The following PRKCE variants were observed in gnomAD, a reference collection of about 807,000 sequenced individuals.
PRKCE encodes the protein protein kinase C epsilon.
In PRKCE, 16 loss-of-function variants were observed where a neutral mutation model predicts 85.4. The ratio of observed to expected loss-of-function variants is 0.19; its 90% CI spans 0.13 to 0.28. The LOEUF (loss-of-function observed/expected upper bound fraction) is 0.28, where lower values mean the gene tolerates loss of function less well. PRKCE is among the 10% of genes least tolerant of loss of function. PRKCE has a pLI of 1.00. For missense variants in PRKCE, 573 were observed against 975.2 expected (o/e 0.59, Z 5.49); for synonymous variants, 388 against 371.5 (o/e 1.04, Z -0.51).
chr2:46,063,675 A>AC (rs2103645219), intron 10 of PRKCE, among the ~76,000 whole-genome samples: 1 of 152,286 alleles, frequency 6.6e-6, no homozygotes, highest in South Asian at 2.1e-4. Flanking sequence ...GAATTCCGCA[A>AC]CTGTGACCAT....
In PRKCE at chr2:46,145,640, G is replaced by A. The variant is rs1403028869; in HGVS notation, c.1731+409G>A. Among the ~76,000 whole-genome samples the A allele has an allele frequency of 6.6e-6, 1 of 152,172 alleles. No homozygotes were observed. Among genetic ancestry groups the A allele is most frequent in the Non-Finnish European group, 1.5e-5 (1 of 68,028 alleles). ...CCCAGCACTTTGGGAGGCCAAGGCA[G>A]GTAGATCGCTTGAGCCCAGGAGTTC... On this transcript the variant is annotated intron_variant, in intron 12 of 14. Coordinates refer to ENST00000306156, the MANE Select transcript of PRKCE (RefSeq NM_005400.3). This position sits in a 1 kb window ranked among gnomAD's most constrained non-coding sequence, Gnocchi z 4.6.
chr2:45,906,195 T>C (rs1379900150), intron 2 of PRKCE, among the ~76,000 whole-genome samples: 1 of 152,238 alleles, frequency 6.6e-6, no homozygotes, highest in African/African-American at 2.4e-5. Flanking sequence ...CTCAACCACC[T>C]GGCCTACTGG....
In PRKCE at chr2:46,023,084, C is replaced by T. The variant is rs1309084170; in HGVS notation, c.1437+12567C>T. Among the ~76,000 whole-genome samples the T allele has an allele frequency of 4.6e-4, 10 of 21,868 alleles. No homozygotes were observed. The African/African-American group carries it at 4.6e-3, about 10-fold the overall frequency. The allele number at this position is 21,868 out of a possible 152,430, so 14.3% of individuals were successfully genotyped here. On this transcript the variant is annotated intron_variant, in intron 10 of 14. Coordinates refer to ENST00000306156, the MANE Select transcript of PRKCE (RefSeq NM_005400.3). ...CGTCCTGGGCGACAGAGCGAGACTC[C>T]GTCTCAAAAAAAAAAAAAAAAAAAA...
At chr2:45,933,564 C>T (rs547709369) in intron 2 of PRKCE, among the ~76,000 whole-genome samples, 76 of 150,974 alleles carry the variant, frequency 5.0e-4, no homozygotes, top group African/African-American at 1.7e-3. Flanking sequence ...AGCTCCACCT[C>T]CCGGGTTCAC....
intron 1 of PRKCE, among the ~76,000 whole-genome samples, chr2:45,776,132 A>G (rs1685731686): frequency 1.3e-5 from 2 of 152,240 alleles, no homozygotes; most frequent in African/African-American, 2.4e-5. Context: ...GAAAGATCAT[A>G]TAATTTACTT....
At position 45,910,397 on chromosome 2, in the gene PRKCE, TGG is replaced by T. The variant is rs1697299681; in HGVS notation, c.413-66029_413-66028del. Among the ~76,000 whole-genome samples, 12 of 152,280 alleles carry T rather than the reference TGG, an allele frequency of 7.9e-5. No individual in the cohort carries two copies. In the South Asian group the frequency reaches 2.5e-3, roughly 32 times the overall value. ...CACCCTGAAAACACTTGCCATCCAG[TGG>T]GGAGACATCCGTGTCCACAATCATG... On this transcript the variant is annotated intron_variant, in intron 2 of 14. Coordinates refer to ENST00000306156, the MANE Select transcript of PRKCE (RefSeq NM_005400.3).
At chr2:46,105,200 T>C (rs182526685) in intron 11 of PRKCE, among the ~76,000 whole-genome samples, 273 of 152,274 alleles carry the variant, frequency 1.8e-3, no homozygotes, top group African/African-American at 6.0e-3. Flanking sequence ...TTTCTGAAAT[T>C]ATCAAACCAT....
At chr2:46,015,715 G>GAAAAAAAAAAAA (rs1706080548) in intron 10 of PRKCE, among the ~76,000 whole-genome samples, 2 of 139,508 alleles carry the variant, frequency 1.4e-5, no homozygotes, top group East Asian at 2.1e-4. Flanking sequence ...AAAAAAAAAC[G>GAAAAAAAAAAAA]AAGTAAAAAT....
rs552512577 is a variant in PRKCE, at chr2:46,048,604, G to A, written c.1438-37604G>A. Among the ~76,000 whole-genome samples the A allele has an allele frequency of 5.9e-5, 9 of 152,266 alleles. No individual in the cohort carries two copies. The South Asian group carries it at 1.9e-3, about 32-fold the overall frequency. ...GTCCAGTGGTCCTTGATTCCCCTTTGTCCACGCACTTGGCCTTTCTCCAGG... is the reference window on the plus strand; with the variant it reads ...GTCCAGTGGTCCTTGATTCCCCTTTATCCACGCACTTGGCCTTTCTCCAGG... On this transcript the variant is annotated intron_variant, in intron 10 of 14. Coordinates refer to ENST00000306156, the MANE Select transcript of PRKCE (RefSeq NM_005400.3).
At chr2:46,168,318 C>T (rs987992937) in intron 14 of PRKCE, among the ~76,000 whole-genome samples, 1 of 152,218 alleles carries the variant, frequency 6.6e-6, no homozygotes, top group African/African-American at 2.4e-5. Context: ...AACACACATA[C>T]AACTCACCTG....
chr2:45,865,815 C>CTTCTTCTTCTTCT (rs779577778), intron 2 of PRKCE, among the ~76,000 whole-genome samples: 9 of 133,678 alleles, frequency 6.7e-5, no homozygotes, highest in East Asian at 6.5e-4. Flanking sequence ...TCTTCTTCTT[C>CTTCTTCTTCTTCT]TTTTTTTTTT....
chr2:46,020,736 A>C (rs1034446670), intron 10 of PRKCE, among the ~76,000 whole-genome samples: 7 of 152,228 alleles, frequency 4.6e-5, no homozygotes, highest in African/African-American at 1.7e-4. Flanking sequence ...TTGCGTCAGA[A>C]TCTTTTGAGG....
intron 2 of PRKCE, among the ~76,000 whole-genome samples, chr2:45,945,817 C>T (rs1700207575): frequency 6.6e-6 from 1 of 152,214 alleles, no homozygotes; most frequent in Non-Finnish European, 1.5e-5. Flanking sequence ...AACCCCTTGA[C>T]AGAAAAGAAT....
Position 46,017,624 on chromosome 2 carries a change from T to C in PRKCE, c.1437+7107T>C, listed in dbSNP as rs117488868. Among the ~76,000 whole-genome samples the C allele has an allele frequency of 8.5e-5, 13 of 152,346 alleles. No homozygotes were observed. The East Asian group carries it at 2.5e-3, about 29-fold the overall frequency. On this transcript the variant is annotated intron_variant, in intron 10 of 14. Coordinates refer to ENST00000306156, the MANE Select transcript of PRKCE (RefSeq NM_005400.3). ...TCTTTTTAATTTTTTGAGGAACCGC[T>C]ATACTGTTTTCCATAATGACTGAAC... is the stretch of plus-strand genomic sequence containing the variant.
At chr2:46,063,458 A>C (rs1488915879) in intron 10 of PRKCE, among the ~76,000 whole-genome samples, 1 of 152,166 alleles carries the variant, frequency 6.6e-6, no homozygotes, top group African/African-American at 2.4e-5. Flanking sequence ...TTATAAAATG[A>C]AAACAGCTGA....
At chr2:45,863,063 TG>T in intron 2 of PRKCE, among the ~76,000 whole-genome samples, 1 of 152,130 alleles carries the variant, frequency 6.6e-6, no homozygotes, top group Non-Finnish European at 1.5e-5. Flanking sequence ...TTTGAGGGAC[TG>T]GGGGGTTGTG....
At chr2:46,178,309 G>A (rs1418672128) in intron 14 of PRKCE, among the ~76,000 whole-genome samples, 4 of 152,230 alleles carry the variant, frequency 2.6e-5, no homozygotes, top group Non-Finnish European at 4.4e-5. Flanking sequence ...AGTTCCATGG[G>A]CAGTCCAGTG....
intron 2 of PRKCE, among the ~76,000 whole-genome samples, chr2:45,915,739 A>G (rs886463171): frequency 1.3e-5 from 2 of 152,186 alleles, no homozygotes; most frequent in African/African-American, 4.8e-5. Context: ...GTTGATTCAC[A>G]TGTGCCCTTG....
At chr2:46,150,373 G>A (rs4952804) in intron 12 of PRKCE, among the ~76,000 whole-genome samples, 5,443 of 152,258 alleles carry the variant, frequency 0.036, 131 homozygotes, top group East Asian at 0.088. Context: ...GGGGGCCTAC[G>A]GTTTTGTAGA....
Sources: allele counts gnomAD v4.1 joint callset (sites outside exome capture counted in the v4.1 genomes callset), GRCh38; gene constraint gnomAD v4.1.1; non-coding constraint Gnocchi (gnomAD v3.1); transcripts MANE v1.5; gene names NCBI Gene and HGNC (gene_info 2026-07-23, HGNC 2026-07-21).